The following ERMARD variants were observed in gnomAD, a reference collection of about 807,000 sequenced individuals.
ERMARD encodes ER membrane associated RNA degradation.
A neutral mutation model predicts 83.9 loss-of-function variants in ERMARD; 71 were observed. That is an observed-to-expected ratio of 0.85 (90% CI 0.70 to 1.03). The LOEUF is 1.03. ERMARD is among the 50% of genes least tolerant of loss of function. ERMARD has a pLI of 0.00. For synonymous variants in ERMARD, 284 were observed against 298.6 expected (o/e 0.95, Z 0.50); for missense variants, 838 against 810.9 (o/e 1.03, Z -0.41).
At chr6:169,776,150 T>C in intron 15 of ERMARD, 85 bp downstream of exon 15, 1 of 1,575,014 alleles carries the variant, frequency 6.3e-7, no homozygotes, top group Non-Finnish European at 8.6e-7. Context: ...ATGTTTTAGA[T>C]TTTATAAACT....
Position 169,762,456 on chromosome 6 carries a change from G to T in ERMARD, c.885G>T (p.Leu295=). The change falls in exon 9 of 18, where the codon CTG becomes CTT. Residue 295 remains leucine, a synonymous_variant. Transcript: ENST00000366773. ...HRFADCAILL[L]TQLETGLRNV... ...TTGCTGACTGCGCCATATTGTTGCT[G>T]ACACAACTGGAGACTGGACTTAGGA... 6.2e-7 allele frequency: 1 copy of T among 1,614,088 alleles called. No homozygotes were observed. The highest frequency in any genetic ancestry group is 8.5e-7 in the Non-Finnish European group (1 of 1,180,016).
intron 2 of ERMARD, 119 bp downstream of exon 2, chr6:169,754,151 C>T: frequency 1.1e-6 from 1 of 916,596 alleles, no homozygotes; most frequent in Non-Finnish European, 1.6e-6. Flanking sequence ...TAATACAGGC[C>T]TAACTCCAAG....
intron 13 of ERMARD, among the ~76,000 whole-genome samples, chr6:169,774,171 T>C (rs1218279633): frequency 1.3e-5 from 2 of 152,058 alleles, no homozygotes; most frequent in Non-Finnish European, 2.9e-5. Flanking sequence ...CCATCTCTAC[T>C]AAAAATACAA....
intron 10 of ERMARD, 135 bp downstream of exon 10, chr6:169,766,802 CA>C (rs1562334702): frequency 9.6e-6 from 9 of 936,300 alleles, no homozygotes; most frequent in South Asian, 3.0e-5. Flanking sequence ...TAATATAAAC[CA>C]AAAAAAGCTG....
chr6:169,762,371 G>C (rs1791660640), intron 8 of ERMARD, 58 bp from the exon 9 acceptor site: 1 of 1,500,240 alleles, frequency 6.7e-7, no homozygotes, highest in South Asian at 1.2e-5. Flanking sequence ...CACTGCACCT[G>C]GCCTAATATT....
chr6:169,778,580 G>A (rs1793851749), intron 16 of ERMARD, among the ~76,000 whole-genome samples: 1 of 152,168 alleles, frequency 6.6e-6, no homozygotes, highest in South Asian at 2.1e-4. Flanking sequence ...TGTTTTTAAA[G>A]CTTTACATAG....
chr6:169,766,599 G>A (rs770884551), intron 9 of ERMARD, 39 bp from the exon 10 acceptor site: 3 of 1,525,396 alleles, frequency 2.0e-6, no homozygotes, highest in Non-Finnish European at 2.6e-6. Context: ...TTTGTATTTT[G>A]CTTTAATTGT....
At position 169,754,020 on chromosome 6, in the gene ERMARD, T is replaced by A; in HGVS notation, c.163T>A (p.Tyr55Asn). The A allele has an allele frequency of 1.9e-6, 3 of 1,611,522 alleles. No homozygotes were observed. The highest frequency in any genetic ancestry group is 2.5e-6 in the Non-Finnish European group (3 of 1,178,414). ...GAAAACAATCACAGACTGTGTGAGC[T>A]ACACAGAGTCAGGTTTGTGCTGTCT... The part of the protein sequence containing the change: ...CWKTITDCVS[Y>N]TESEQGLDYW... Residue 55 changes from tyrosine to asparagine, a missense_variant, in exon 2 of 18, where the codon TAC becomes AAC. By Grantham distance (143) the Tyr-to-Asn change is moderately radical. Transcript: ENST00000366773.
At chr6:169,758,224 G>A (rs902564358) in intron 5 of ERMARD, among the ~76,000 whole-genome samples, 1 of 152,178 alleles carries the variant, frequency 6.6e-6, no homozygotes. Context: ...CTTCCTTCTC[G>A]AGTCTTCTGG....
intron 7 of ERMARD, 49 bp from the exon 8 acceptor site, chr6:169,760,593 T>G: frequency 2.2e-6 from 3 of 1,351,144 alleles, no homozygotes; most frequent in Non-Finnish European, 3.1e-6. Flanking sequence ...TTCCATCTTT[T>G]TTCAGTTGAT....
chr6:169,776,566 C>T lies in ERMARD; in HGVS notation c.1632C>T (p.Arg544=). The T allele has an allele frequency of 1.9e-6, 3 of 1,614,228 alleles. No individual in the cohort carries two copies. The highest frequency in any genetic ancestry group is 1.7e-6 in the Non-Finnish European group (2 of 1,180,050). Residue 544 remains arginine (R), a synonymous_variant, in exon 16 of 18, where the codon CGC becomes CGT. Coordinates refer to ENST00000366773, the MANE Select transcript of ERMARD (RefSeq NM_018341.3). ...VVLRSISEQC[R]RVSSQVTVAS... is the part of the protein sequence containing the mutation. ...TCCGAAGCATCAGCGAACAGTGCCG[C>T]CGTGTGTCCAGCCAGGTCACCGTTG...
At position 169,754,030 on chromosome 6, in the gene ERMARD, C is replaced by G. The variant is rs750475288; in HGVS notation, c.173C>G (p.Ser58Ter). The change falls in exon 2 of 18, where the codon TCA becomes TGA. Residue 58 changes from serine to a stop codon, truncating the protein, a stop_gained and splice_region_variant. Transcript: ENST00000366773. LOFTEE classifies it high-confidence loss of function. ...TITDCVSYTE[S>*]EQGLDYWGSV... is the part of the protein sequence containing the mutation. ...ACAGACTGTGTGAGCTACACAGAGTCAGGTTTGTGCTGTCTTTGTACTCCA... is the reference window on the plus strand; with the variant it reads ...ACAGACTGTGTGAGCTACACAGAGTGAGGTTTGTGCTGTCTTTGTACTCCA... The G allele has an allele frequency of 6.2e-7, 1 of 1,606,612 alleles. No homozygotes were observed. The highest frequency in any genetic ancestry group is 2.2e-5 in the East Asian group (1 of 44,790).
intron 1 of ERMARD, among the ~76,000 whole-genome samples, chr6:169,752,411 C>A (rs180693561): frequency 6.6e-6 from 1 of 152,306 alleles, no homozygotes; most frequent in East Asian, 1.9e-4. Flanking sequence ...AAATTTAAGT[C>A]CAGCTCCAAA....
intron 16 of ERMARD, 53 bp downstream of exon 16, chr6:169,776,726 A>T: frequency 6.3e-7 from 1 of 1,594,990 alleles, no homozygotes; most frequent in Non-Finnish European, 8.6e-7. Context: ...GGAAGTTGTC[A>T]CAGATGCAGT....
At chr6:169,758,085 A>C (rs1236672163) in intron 5 of ERMARD, among the ~76,000 whole-genome samples, 2 of 152,232 alleles carry the variant, frequency 1.3e-5, no homozygotes, top group East Asian at 3.8e-4. Flanking sequence ...TAAATGTTCC[A>C]ACATTCAGTA....
upstream of ERMARD, chr6:169,751,436 ACGCCT>A: frequency 6.2e-7 from 1 of 1,613,848 alleles, no homozygotes; most frequent in Non-Finnish European, 8.5e-7. Context: ...GCTCGACTTC[ACGCCT>A]CGGCCTCGCT....
chr6:169,758,887 G>A lies in ERMARD; in HGVS notation c.508-81G>A, dbSNP rs1032477577. Reference sequence around the variant, plus strand: ...AACTGTTGACTCTCAGTTAAAAAGAGGAACACAAATGTTATCTTCATACTA... The same window carrying A: ...AACTGTTGACTCTCAGTTAAAAAGAAGAACACAAATGTTATCTTCATACTA... On this transcript the variant is annotated intron_variant, in intron 5 of 17. Coordinates refer to ENST00000366773, the MANE Select transcript of ERMARD (RefSeq NM_018341.3). 14 of 1,297,874 alleles carry A rather than the reference G, an allele frequency of 1.1e-5. No homozygotes were observed. The African/African-American group carries it at 1.2e-4, about 11-fold the overall frequency. 80.4% of individuals were successfully genotyped at this position (1,297,874 alleles called of 1,614,324 possible). A position where few individuals can be genotyped will look rare whatever the true frequency, so the allele number is the denominator to read the frequency against.
In ERMARD at chr6:169,755,395, G is replaced by A. The variant is rs751420485; in HGVS notation, c.288G>A (p.Pro96=). ...GGCAATTTGAAATTCGATATGCACC[G>A]TGGTTCCAGTGGACAAGTTTTCCAG... ...TKGQFEIRYA[P]WFQWTSFPEL... Residue 96 remains proline (P), a synonymous_variant, in exon 3 of 18, where the codon CCG becomes CCA. Transcript: ENST00000366773. The A allele has an allele frequency of 8.1e-6, 13 of 1,614,080 alleles. No homozygotes were observed. The highest frequency in any genetic ancestry group is 1.0e-5 in the Non-Finnish European group (12 of 1,180,016).
intron 1 of ERMARD, chr6:169,753,318 G>T (rs996474324): frequency 1.3e-5 from 2 of 154,320 alleles, no homozygotes; most frequent in African/African-American, 4.8e-5. Flanking sequence ...ATATCGAAGA[G>T]GCATGTTTTG....
Sources: allele counts gnomAD v4.1 joint callset (sites outside exome capture counted in the v4.1 genomes callset), GRCh38; gene constraint gnomAD v4.1.1; transcripts MANE v1.5; gene names NCBI Gene and HGNC (gene_info 2026-07-23, HGNC 2026-07-21).